The following RNF150 variants were observed in gnomAD, a reference collection of about 807,000 sequenced individuals.
The protein encoded by RNF150 is ring finger protein 150.
RNF150 carries 24 observed loss-of-function variants against 39.3 expected under a neutral mutation model. The ratio of observed to expected loss-of-function variants is 0.61; its 90% CI spans 0.44 to 0.86. RNF150 has a LOEUF of 0.86. Ranked by LOEUF, RNF150 falls within the 40% of genes least tolerant of loss-of-function variation. The probability of loss-of-function intolerance (pLI) is 0.00; values close to 1 mark genes in which losing one functional copy is unlikely to be tolerated. For missense variants in RNF150, 502 were observed against 587.8 expected (o/e 0.85, Z 1.51); for synonymous variants, 255 against 227.3 (o/e 1.12, Z -1.10).
chr4:141,036,247 T>C (rs1736139703), intron 1 of RNF150, among the ~76,000 whole-genome samples: 1 of 152,166 alleles, frequency 6.6e-6, no homozygotes, highest in South Asian at 2.1e-4. Context: ...CTGTGCTTTA[T>C]ATGTTTTGGG....
intron 1 of RNF150, chr4:140,996,865 C>G (rs181272496): frequency 2.0e-5 from 3 of 152,254 alleles, no homozygotes; most frequent in African/African-American, 7.2e-5. Context: ...GGAAAAACTT[C>G]ACAGGAGAGA....
upstream of RNF150, among the ~76,000 whole-genome samples, chr4:141,137,476 A>T (rs1727044837): frequency 6.6e-6 from 1 of 152,204 alleles, no homozygotes; most frequent in South Asian, 2.1e-4. Context: ...GACATGTAGT[A>T]TGGAAGAAGA....
At chr4:141,193,725 T>G (rs1728153401) in intron 1 of RNF150, among the ~76,000 whole-genome samples, 1 of 152,100 alleles carries the variant, frequency 6.6e-6, no homozygotes, top group East Asian at 1.9e-4. Flanking sequence ...GAGCAAGAAA[T>G]GAGAGAGAAG....
chr4:140,912,996 G>A lies in RNF150; in HGVS notation c.988-1642C>T, dbSNP rs540590855. On this transcript the variant is annotated intron_variant, in intron 5 of 6. Transcript: ENST00000515673. ...AAAAAAAAAAAAAACACCATGGGCT[G>A]GGCGTGGTGGCTCACGCCTGTAATC... Among the ~76,000 whole-genome samples the A allele has an allele frequency of 2.6e-5, 4 of 151,830 alleles. No homozygotes were observed. In the South Asian group the frequency reaches 8.3e-4, roughly 32 times the overall value.
intron 6 of RNF150, among the ~76,000 whole-genome samples, chr4:140,897,219 C>CT (rs1407680942): frequency 2.6e-4 from 40 of 152,238 alleles, no homozygotes; most frequent in African/African-American, 8.7e-4. Context: ...CCTCCAGTAC[C>CT]CCTGCATACA....
chr4:140,986,512 T>C (rs967430002), intron 1 of RNF150, among the ~76,000 whole-genome samples: 6 of 152,120 alleles, frequency 3.9e-5, no homozygotes, highest in African/African-American at 1.4e-4. Context: ...GCATCCACCA[T>C]CAACTCTTCT....
intron 1 of RNF150, among the ~76,000 whole-genome samples, chr4:141,171,178 A>T (rs1374610587): frequency 6.6e-6 from 1 of 152,234 alleles, no homozygotes; most frequent in Non-Finnish European, 1.5e-5. Context: ...AAGGAGGCTT[A>T]GAAAATAAAG....
At chr4:140,919,999 A>G (rs1256864129) in intron 5 of RNF150, among the ~76,000 whole-genome samples, 2 of 152,186 alleles carry the variant, frequency 1.3e-5, no homozygotes, top group Non-Finnish European at 2.9e-5. Flanking sequence ...GAAAGCTGAA[A>G]CTGGATCCCT....
At chr4:140,984,106 A>T (rs1733946133) in intron 1 of RNF150, among the ~76,000 whole-genome samples, 1 of 152,078 alleles carries the variant, frequency 6.6e-6, no homozygotes, top group Non-Finnish European at 1.5e-5. Flanking sequence ...TTGCGGTGTT[A>T]TGTCCGTGTT....
intron 2 of RNF150, among the ~76,000 whole-genome samples, chr4:140,964,872 G>GTTTTCTT: frequency 6.6e-6 from 1 of 151,896 alleles, no homozygotes; most frequent in Non-Finnish European, 1.5e-5. Flanking sequence ...TAGATTCATG[G>GTTTTCTT]TATGGTTTAG....
At chr4:140,957,089 A>G (rs1288876469) in intron 2 of RNF150, among the ~76,000 whole-genome samples, 15 of 146,410 alleles carry the variant, frequency 1.0e-4, no homozygotes, top group Non-Finnish European at 9.1e-5. Flanking sequence ...TCTGCACAGC[A>G]AAAGAAACTA....
chr4:140,977,503 C>G (rs774991379), intron 1 of RNF150, among the ~76,000 whole-genome samples: 2 of 152,052 alleles, frequency 1.3e-5, no homozygotes, highest in Non-Finnish European at 2.9e-5. Flanking sequence ...ATGATTTGAG[C>G]CTTGATCAAG....
At chr4:141,113,022 T>C (rs535707571) in intron 1 of RNF150, among the ~76,000 whole-genome samples, 2 of 152,190 alleles carry the variant, frequency 1.3e-5, no homozygotes, top group Non-Finnish European at 2.9e-5. Context: ...TATTTGGCTA[T>C]TGATACTTGA....
intron 2 of RNF150, among the ~76,000 whole-genome samples, chr4:140,966,195 C>A (rs1379830807): frequency 1.3e-5 from 2 of 151,924 alleles, no homozygotes; most frequent in African/African-American, 4.8e-5. Flanking sequence ...CAAAAATTAG[C>A]CAGGTGTGGT....
chr4:140,957,819 A>G (rs1447419112), intron 2 of RNF150, among the ~76,000 whole-genome samples: 3 of 150,414 alleles, frequency 2.0e-5, no homozygotes, highest in Non-Finnish European at 4.4e-5. Context: ...CAAACACCGC[A>G]TATTCTCTCT....
At chr4:140,958,570 C>T (rs1732878936) in intron 2 of RNF150, among the ~76,000 whole-genome samples, 1 of 152,128 alleles carries the variant, frequency 6.6e-6, no homozygotes, top group Non-Finnish European at 1.5e-5. Context: ...CCTTTAACTT[C>T]TAAAAACTGT....
chr4:140,970,885 G>T (rs962652044), intron 1 of RNF150, among the ~76,000 whole-genome samples: 5 of 151,902 alleles, frequency 3.3e-5, no homozygotes, highest in Non-Finnish European at 7.4e-5. Context: ...AGTTCATCAT[G>T]GTAAAAACAG....
At position 140,865,488 on chromosome 4, in the gene RNF150, C is replaced by T. The variant is rs552455258; in HGVS notation, c.*2773G>A. On this transcript the variant is annotated 3_prime_UTR_variant, in exon 7 of 7. Coordinates refer to ENST00000515673, the MANE Select transcript of RNF150 (RefSeq NM_020724.2). Reference sequence around the variant, plus strand: ...TCTTCTTTGGGGGAGGTAAAGAAGGCTATAAGGAAGGGCTGTTCCCCTTTC... The same window carrying T: ...TCTTCTTTGGGGGAGGTAAAGAAGGTTATAAGGAAGGGCTGTTCCCCTTTC... 6.6e-5 allele frequency: 10 copies of T among 150,968 alleles called. No individual in the cohort carries two copies. Among genetic ancestry groups the T allele is most frequent in the African/African-American group, 2.4e-4 (10 of 40,956 alleles). 9.4% of individuals were successfully genotyped at this position (150,968 alleles called of 1,614,324 possible).
At chr4:141,082,425 GCATTTCCTGACTGTTCTGGTCTT>G (rs772415963) in intron 1 of RNF150, among the ~76,000 whole-genome samples, 92 of 152,226 alleles carry the variant, frequency 6.0e-4, no homozygotes, top group Non-Finnish European at 1.2e-3. Context: ...GGTTTTCCTT[GCATTTCCTGACTGTTCTGGTCTT>G]CATTTCCTGA....
Sources: gnomAD v4.1 joint callset for allele counts (sites outside exome capture counted in the v4.1 genomes callset) on GRCh38, gnomAD v4.1.1 for gene constraint, MANE v1.5 for transcripts, NCBI Gene and HGNC (gene_info 2026-07-23, HGNC 2026-07-21) for gene names.